Variants in TBPL1 observed in about 807,000 individuals in gnomAD.
TBPL1 encodes the protein TATA box-binding protein-like 1.
Under a neutral mutation model 22.1 loss-of-function variants are expected in TBPL1, and 4 were observed. That is an observed-to-expected ratio of 0.18 (90% CI 0.09 to 0.41). TBPL1 has a LOEUF of 0.41. Ranked by LOEUF, TBPL1 falls within the 10% of genes least tolerant of loss-of-function variation. TBPL1 has a pLI of 1.00. For missense variants in TBPL1, 115 were observed against 222.3 expected, an observed-to-expected ratio of 0.52 and a Z score of 3.07; for synonymous variants, 64 against 71.0, an observed-to-expected ratio of 0.90 and a Z score of 0.50.
Position 133,984,279 on chromosome 6 carries a change from T to C in TBPL1, c.283-97T>C, listed in dbSNP as rs1184680635. The C allele has an allele frequency of 8.1e-6, 7 of 859,818 alleles. No homozygotes were observed. The East Asian group carries it at 1.6e-4, about 20-fold the overall frequency. 53.3% of individuals were successfully genotyped at this position (859,818 alleles called of 1,614,324 possible). A position where few individuals can be genotyped will look rare whatever the true frequency, so the allele number is the denominator to read the frequency against. On this transcript the variant is annotated intron_variant, in intron 4 of 6. Coordinates refer to ENST00000237264, the MANE Select transcript of TBPL1 (RefSeq NM_004865.4). ...ATACACTTAAAATGTTTTTGTTTTA[T>C]CTTGTTTGCTCTTGTTTTTAAGGAT...
rs1776492482 is a variant in TBPL1, at chr6:133,985,295, AAAATATATATATATATATATATAT to A, written c.481+626_481+649del. On this transcript the variant is annotated intron_variant, in intron 6 of 6. Transcript: ENST00000237264. ...TCTGTCTAAAAAAAAAAAAAAAAAA[AAAATATATATATATATATATATAT>A]ATATATATATATATATATACACACA... 6.0e-5 allele frequency among the ~76,000 whole-genome samples: 4 copies of A among 66,420 alleles called. 1 individual carries two copies. In the South Asian group the frequency reaches 1.4e-3, roughly 23 times the overall value. 43.6% of individuals were successfully genotyped at this position (66,420 alleles called of 152,430 possible).
intron 1 of TBPL1, among the ~76,000 whole-genome samples, chr6:133,968,512 G>A (rs1386615150): frequency 6.6e-6 from 1 of 152,082 alleles, no homozygotes; most frequent in Admixed American, 6.5e-5. Context: ...TGCTTTAATA[G>A]AGCATATCAA....
chr6:133,984,552 A>T, intron 5 of TBPL1, 25 bp from the exon 6 acceptor site: 1 of 1,610,630 alleles, frequency 6.2e-7, no homozygotes, highest in Middle Eastern at 1.7e-4. Flanking sequence ...AAATATTTAT[A>T]TTAATTGTGG....
intron 1 of TBPL1, among the ~76,000 whole-genome samples, chr6:133,958,520 G>A (rs2114321564): frequency 6.6e-6 from 1 of 152,290 alleles, no homozygotes; most frequent in South Asian, 2.1e-4. Context: ...AAATACTGAA[G>A]CTACCTAATC....
chr6:133,978,694 A>G (rs1231499070), intron 1 of TBPL1, among the ~76,000 whole-genome samples: 1 of 152,232 alleles, frequency 6.6e-6, no homozygotes, highest in African/African-American at 2.4e-5. Flanking sequence ...ATTGATACAC[A>G]GAATTGAATG....
At chr6:133,983,007 T>G in intron 4 of TBPL1, 127 bp downstream of exon 4, 1 of 826,682 alleles carries the variant, frequency 1.2e-6, no homozygotes, top group East Asian at 2.9e-5. Context: ...TTCTAGGTTT[T>G]TTAATACTGC....
intron 5 of TBPL1, 36 bp downstream of exon 5, chr6:133,984,515 C>T (rs1308418650): frequency 6.2e-7 from 1 of 1,609,896 alleles, no homozygotes; most frequent in East Asian, 2.2e-5. Context: ...GAGAAATTAC[C>T]AAATTTGAAA....
At position 133,987,337 on chromosome 6, in the gene TBPL1, T is replaced by G. The variant is rs1776545898; in HGVS notation, c.*297T>G. 5.3e-6 allele frequency: 1 copy of G among 188,462 alleles called. No homozygotes were observed. Among genetic ancestry groups the G allele is most frequent in the South Asian group, 1.9e-4 (1 of 5,300 alleles). The allele number at this position is 188,462 out of a possible 1,614,324, so 11.7% of individuals were successfully genotyped here. ...ACAGTGTGCACTACCTTAGATTGTT[T>G]TATTGTCGTCATTGTTATTTTTTTC... On this transcript the variant is annotated 3_prime_UTR_variant, in exon 7 of 7. Coordinates refer to ENST00000237264, the MANE Select transcript of TBPL1 (RefSeq NM_004865.4).
chr6:133,969,991 A>G (rs1030765774), intron 1 of TBPL1, among the ~76,000 whole-genome samples: 4 of 152,208 alleles, frequency 2.6e-5, no homozygotes, highest in African/African-American at 9.6e-5. Flanking sequence ...GTCTAGTCTC[A>G]TCTTTCACCT....
chr6:133,982,378 G>A (rs1212538947), intron 2 of TBPL1, among the ~76,000 whole-genome samples, 190 bp from the exon 3 acceptor site: 2 of 152,130 alleles, frequency 1.3e-5, no homozygotes, highest in Non-Finnish European at 2.9e-5. Context: ...TTAATCAAAT[G>A]TCTTTTTGGA....
At chr6:133,983,975 T>C (rs1016441608) in intron 4 of TBPL1, among the ~76,000 whole-genome samples, 2 of 152,212 alleles carry the variant, frequency 1.3e-5, no homozygotes, top group African/African-American at 4.8e-5. Flanking sequence ...GAGCCCAGTG[T>C]ACACTCTGTA....
rs912551258 is a variant in TBPL1, at chr6:133,988,902, A to G, written c.*1862A>G. ...CACCTCCTGTTTTTCAATGTTCACC[A>G]AAAAAAGAAACATAGAATAGGGGGA... On this transcript the variant is annotated 3_prime_UTR_variant, in exon 7 of 7. Coordinates refer to ENST00000237264, the MANE Select transcript of TBPL1 (RefSeq NM_004865.4). The G allele has an allele frequency of 2.0e-5, 3 of 152,176 alleles. No homozygotes were observed. Among genetic ancestry groups the G allele is most frequent in the African/African-American group, 7.2e-5 (3 of 41,444 alleles). The allele number at this position is 152,176 out of a possible 1,614,324, so 9.4% of individuals were successfully genotyped here.
intron 6 of TBPL1, 131 bp from the exon 7 acceptor site, chr6:133,986,828 CTA>C: frequency 1.9e-6 from 1 of 536,958 alleles, no homozygotes; most frequent in Non-Finnish European, 3.2e-6. Context: ...AATTATATGT[CTA>C]GTTTTCTTTT....
chr6:133,980,964 T>A (rs865923640), intron 2 of TBPL1, among the ~76,000 whole-genome samples: 25 of 44,340 alleles, frequency 5.6e-4, no homozygotes, highest in African/African-American at 1.1e-3. Flanking sequence ...ATTAATTAAT[T>A]TTTTTTTTTT....
chr6:133,976,735 A>G (rs1325992342), intron 1 of TBPL1, among the ~76,000 whole-genome samples: 1 of 152,170 alleles, frequency 6.6e-6, no homozygotes, highest in Non-Finnish European at 1.5e-5. Context: ...CACACCTGTA[A>G]TCCCAGCACT....
chr6:133,970,977 T>G (rs555043957), intron 1 of TBPL1, among the ~76,000 whole-genome samples: 8 of 152,298 alleles, frequency 5.3e-5, no homozygotes, highest in Admixed American at 3.3e-4. Context: ...CTAGCTATTT[T>G]ATGATATACT....
At chr6:133,979,030 A>G (rs563905972) in intron 1 of TBPL1, among the ~76,000 whole-genome samples, 3 of 152,334 alleles carry the variant, frequency 2.0e-5, no homozygotes, top group East Asian at 1.9e-4. Context: ...CGTACTTAGT[A>G]AAAACTGGGG....
upstream of TBPL1, chr6:133,952,862 T>C (rs1290205729): frequency 2.6e-5 from 4 of 152,042 alleles, no homozygotes; most frequent in African/African-American, 9.7e-5. The surrounding 1 kb of genome is among the most constrained non-coding windows in gnomAD (Gnocchi z 4.5). Context: ...ATGCCAGAAA[T>C]TACTACACGT....
At chr6:133,982,693 C>T in intron 3 of TBPL1, 43 bp downstream of exon 3, 4 of 1,596,746 alleles carry the variant, frequency 2.5e-6, no homozygotes, top group South Asian at 2.3e-5. Context: ...TTTACTTTTT[C>T]CCTCATGGAA....
Sources: gnomAD v4.1 joint callset for allele counts (sites outside exome capture counted in the v4.1 genomes callset) on GRCh38, gnomAD v4.1.1 for gene constraint, Gnocchi (gnomAD v3.1) non-coding constraint, MANE v1.5 for transcripts, NCBI Gene and HGNC (gene_info 2026-07-23, HGNC 2026-07-21) for gene names.